PCDHGB7: variants seen among roughly 807,000 people sequenced by gnomAD.
The protein encoded by PCDHGB7 is protocadherin gamma-B7.
Under a neutral mutation model 61.4 loss-of-function variants are expected in PCDHGB7, and 37 were observed. That is an observed-to-expected ratio of 0.60 (90% CI 0.46 to 0.79). The LOEUF (loss-of-function observed/expected upper bound fraction) is 0.79. Ranked by LOEUF, PCDHGB7 falls within the 30% of genes least tolerant of loss-of-function variation. The pLI, the probability that PCDHGB7 is intolerant of heterozygous loss-of-function variation, is 0.00. For synonymous variants in PCDHGB7, 464 were observed against 503.5 expected (o/e 0.92, Z 1.05); for missense variants, 1,166 against 1,202.5 (o/e 0.97, Z 0.45).
intron 1 of PCDHGB7, chr5:141,428,119 C>T (rs2097112199): frequency 6.2e-7 from 1 of 1,606,512 alleles, no homozygotes; most frequent in Non-Finnish European, 8.5e-7. Context: ...GCCATCGAGC[C>T]CGGGCTTTTC....
chr5:141,427,139 T>C (rs1430333586), intron 1 of PCDHGB7: 2 of 456,952 alleles, frequency 4.4e-6, no homozygotes, highest in East Asian at 1.4e-4. Context: ...TACGAGATGA[T>C]ATTGGAAATA....
rs979237199 is a variant in PCDHGB7, at chr5:141,477,828, G to C, written c.2416-16979G>C. On this transcript the variant is annotated intron_variant, in intron 1 of 3. Transcript: ENST00000398594. This position sits in a 1 kb window ranked among gnomAD's most constrained non-coding sequence, Gnocchi z 4.9. Reference sequence around the variant, plus strand: ...AATGCCCCCCAGGTCCTATATCCTCGGCCAGGTGGGAGCTCGGTGGAGATG... The same window carrying C: ...AATGCCCCCCAGGTCCTATATCCTCCGCCAGGTGGGAGCTCGGTGGAGATG... The C allele has an allele frequency of 3.7e-6, 6 of 1,614,082 alleles. No individual in the cohort carries two copies. The highest frequency in any genetic ancestry group is 3.4e-6 in the Non-Finnish European group (4 of 1,180,006).
chr5:141,450,071 A>G (rs1039802551), intron 1 of PCDHGB7, among the ~76,000 whole-genome samples: 3 of 139,286 alleles, frequency 2.2e-5, no homozygotes, highest in Non-Finnish European at 3.0e-5. Flanking sequence ...CAGTGGTATG[A>G]TCTTGGCTCA....
At chr5:141,462,584 A>C (rs959398950) in intron 1 of PCDHGB7, among the ~76,000 whole-genome samples, 1 of 152,124 alleles carries the variant, frequency 6.6e-6, no homozygotes, top group African/African-American at 2.4e-5. Context: ...CATCCAGTGA[A>C]GTTTCCATTT....
intron 1 of PCDHGB7, among the ~76,000 whole-genome samples, chr5:141,464,426 GAT>G (rs1287556960): frequency 6.6e-6 from 1 of 151,096 alleles, no homozygotes; most frequent in African/African-American, 2.4e-5. Context: ...TATATATATA[GAT>G]ATATATGTTT....
intron 1 of PCDHGB7, chr5:141,421,219 G>T (rs894586889): frequency 1.0e-5 from 16 of 1,573,208 alleles, no homozygotes; most frequent in Non-Finnish European, 1.3e-5. Context: ...TATCGGCTTA[G>T]AGCCTGCCAT....
intron 1 of PCDHGB7, chr5:141,421,544 A>G (rs2096582597): frequency 6.2e-7 from 1 of 1,613,912 alleles, no homozygotes; most frequent in African/African-American, 1.3e-5. Context: ...TGTTTTTTAA[A>G]TATGGAACTT....
rs1290674122 is a variant in PCDHGB7 at position 141,489,521 on chromosome 5, G to A, written c.2416-5286G>A. 3 of 1,613,988 alleles carry A rather than the reference G, an allele frequency of 1.9e-6. No individual in the cohort carries two copies. The highest frequency in any genetic ancestry group is 2.2e-5 in the East Asian group (1 of 44,886). On this transcript the variant is annotated intron_variant, in intron 1 of 3. Coordinates refer to ENST00000398594, the MANE Select transcript of PCDHGB7 (RefSeq NM_018927.4). This position sits in a 1 kb window ranked among gnomAD's most constrained non-coding sequence, Gnocchi z 4.5. ...GTGAATCAAAAGATTGACCGAGAAAGCCTATGTGGAGCCAGCACCAGCTGC... is the reference window on the plus strand; with the variant it reads ...GTGAATCAAAAGATTGACCGAGAAAACCTATGTGGAGCCAGCACCAGCTGC...
Position 141,436,345 on chromosome 5 carries a change from G to A in PCDHGB7, c.2415+16071G>A, listed in dbSNP as rs930858667. 5.9e-4 allele frequency among the ~76,000 whole-genome samples: 90 copies of A among 152,212 alleles called. 1 individual carries two copies. Among genetic ancestry groups the A allele is most frequent in the African/African-American group, 1.7e-3 (69 of 41,540 alleles). ...GTTAGACCATATCTCAAATATCAGT[G>A]ACTTCAATCAACTATGTTTCCAGTT... On this transcript the variant is annotated intron_variant, in intron 1 of 3. Coordinates refer to ENST00000398594, the MANE Select transcript of PCDHGB7 (RefSeq NM_018927.4).
At position 141,434,771 on chromosome 5, in the gene PCDHGB7, TA is replaced by T. The variant is rs36031641; in HGVS notation, c.2415+14510del. On this transcript the variant is annotated intron_variant, in intron 1 of 3. Transcript: ENST00000398594. ...CCCCTGATTCCCCACTTCACACTTC[TA>T]AAAAAAAAAAAATTTTTTTTTCTGA... 2.5e-3 allele frequency among the ~76,000 whole-genome samples: 362 copies of T among 145,286 alleles called. 1 individual carries two copies. The highest frequency in any genetic ancestry group is 0.011 in the Middle Eastern group (3 of 280).
At chr5:141,467,597 A>T (rs2099147099) in intron 1 of PCDHGB7, among the ~76,000 whole-genome samples, 1 of 152,136 alleles carries the variant, frequency 6.6e-6, no homozygotes, top group Non-Finnish European at 1.5e-5. Flanking sequence ...TTTATTAAGC[A>T]CTTCATCTTT....
In PCDHGB7 at chr5:141,434,786, T is replaced by A. The variant is rs867453805; in HGVS notation, c.2415+14512T>A. ...TTCACACTTCTAAAAAAAAAAAAAT[T>A]TTTTTTTCTGAGCTTGGAGAAATAT... On this transcript the variant is annotated intron_variant, in intron 1 of 3. Coordinates refer to ENST00000398594, the MANE Select transcript of PCDHGB7 (RefSeq NM_018927.4). 6.8e-4 allele frequency among the ~76,000 whole-genome samples: 102 copies of A among 150,682 alleles called. 1 individual carries two copies. The highest frequency in any genetic ancestry group is 1.8e-3 in the African/African-American group (72 of 40,898).
chr5:141,479,324 C>G (rs2099492748), intron 1 of PCDHGB7: 1 of 152,556 alleles, frequency 6.6e-6, no homozygotes, highest in Admixed American at 6.5e-5. Context: ...TAGCCAGACT[C>G]AGTGGTGTGC....
At chr5:141,447,649 T>C (rs909020761) in intron 1 of PCDHGB7, among the ~76,000 whole-genome samples, 1 of 152,206 alleles carries the variant, frequency 6.6e-6, no homozygotes, top group Non-Finnish European at 1.5e-5. Context: ...TGGTAGAATT[T>C]TCCCCCCCAG....
intron 1 of PCDHGB7, among the ~76,000 whole-genome samples, chr5:141,442,717 C>T (rs918238654): frequency 1.3e-5 from 2 of 152,166 alleles, no homozygotes; most frequent in African/African-American, 2.4e-5. Flanking sequence ...CATGCCAGAG[C>T]ATTTGGGGCC....
intron 1 of PCDHGB7, chr5:141,421,959 A>G (rs2096614103): frequency 1.9e-6 from 3 of 1,612,798 alleles, no homozygotes; most frequent in East Asian, 2.2e-5. Flanking sequence ...CAATGTTTAC[A>G]CAGTCCGTAT....
chr5:141,510,833 C>T (rs2099882936), intron 3 of PCDHGB7, 114 bp from the exon 4 acceptor site: 46 of 1,577,678 alleles, frequency 2.9e-5, no homozygotes, highest in South Asian at 2.5e-4. Context: ...CAGTGCTCAG[C>T]GTGGTCAAGG....
intron 3 of PCDHGB7, among the ~76,000 whole-genome samples, chr5:141,509,574 G>T (rs554778751): frequency 6.6e-6 from 1 of 152,300 alleles, no homozygotes; most frequent in South Asian, 2.1e-4. Context: ...TTCACAGTGC[G>T]TACAAATCAG....
chr5:141,484,426 C>T (rs377504062), intron 1 of PCDHGB7, among the ~76,000 whole-genome samples: 1 of 152,188 alleles, frequency 6.6e-6, no homozygotes, highest in African/African-American at 2.4e-5. Context: ...ACAATGAGAA[C>T]ATGTACTGCA....
Sources: allele counts gnomAD v4.1 joint callset (sites outside exome capture counted in the v4.1 genomes callset), GRCh38; gene constraint gnomAD v4.1.1; non-coding constraint Gnocchi (gnomAD v3.1); transcripts MANE v1.5; gene names NCBI Gene and HGNC (gene_info 2026-07-23, HGNC 2026-07-21).